UCHL3: variants seen among roughly 807,000 people sequenced by gnomAD.
UCHL3 encodes ubiquitin C-terminal hydrolase L3.
UCHL3 carries 22 observed loss-of-function variants against 35.8 expected under a neutral mutation model. The observed-to-expected ratio is 0.61, with a 90% CI of 0.44 to 0.88. UCHL3 has a LOEUF of 0.88. UCHL3 is among the 40% of genes least tolerant of loss of function. The pLI is 0.00. For missense variants in UCHL3, 229 were observed against 276.9 expected (o/e 0.83, Z 1.23); for synonymous variants, 90 against 92.8 (o/e 0.97, Z 0.17).
At chr13:75,592,489 A>G (rs2032538557) in intron 6 of UCHL3, among the ~76,000 whole-genome samples, 2 of 49,290 alleles carry the variant, frequency 4.1e-5, no homozygotes, top group Non-Finnish European at 1.1e-4. Context: ...GATCCCATCT[A>G]TAGCCTTTTT....
intron 7 of UCHL3, among the ~76,000 whole-genome samples, chr13:75,599,920 G>A (rs2032736727): frequency 6.6e-6 from 1 of 152,222 alleles, no homozygotes; most frequent in South Asian, 2.1e-4. Flanking sequence ...AAAACAATAA[G>A]CCAAGTTGTG....
In UCHL3 at chr13:75,583,672, G is replaced by A. The variant is rs578245935; in HGVS notation, c.475-11243G>A. 1.2e-4 allele frequency among the ~76,000 whole-genome samples: 19 copies of A among 152,206 alleles called. No homozygotes were observed. The East Asian group carries it at 1.9e-3, about 15-fold the overall frequency. On this transcript the variant is annotated intron_variant, in intron 6 of 8. Transcript: ENST00000377595. ...CTTGTGTGCACATTTTCACTAAAGC[G>A]TAATTGTAGAAAACCAGAAACAAAC...
chr13:75,603,364 A>G (rs184858414), intron 7 of UCHL3, among the ~76,000 whole-genome samples: 5 of 152,284 alleles, frequency 3.3e-5, no homozygotes, highest in African/African-American at 1.2e-4. Flanking sequence ...GTGCTGTTGC[A>G]TGTGCCTGCA....
intron 6 of UCHL3, 66 bp from the exon 7 acceptor site, chr13:75,594,849 A>C: frequency 8.9e-7 from 1 of 1,118,386 alleles, no homozygotes; most frequent in Non-Finnish European, 1.3e-6. Context: ...GTATGTGTTT[A>C]TGTATACATG....
At chr13:75,559,919 C>T (rs2031435807) in intron 2 of UCHL3, among the ~76,000 whole-genome samples, 1 of 151,896 alleles carries the variant, frequency 6.6e-6, no homozygotes, top group Admixed American at 6.6e-5. Flanking sequence ...CTCATTTTTT[C>T]TCTATGTGAT....
intron 6 of UCHL3, among the ~76,000 whole-genome samples, chr13:75,580,427 CAT>C (rs1180553644): frequency 7.2e-5 from 11 of 152,198 alleles, no homozygotes; most frequent in East Asian, 5.8e-4. Context: ...TGCGCACACA[CAT>C]GTCCTTACAC....
intron 2 of UCHL3, among the ~76,000 whole-genome samples, chr13:75,550,656 T>C (rs2031060601): frequency 1.3e-5 from 2 of 151,568 alleles, no homozygotes. Flanking sequence ...TCCCAGCCAC[T>C]CAGAAGAGTA....
chr13:75,599,798 T>C (rs2032732644), intron 7 of UCHL3, among the ~76,000 whole-genome samples: 1 of 152,202 alleles, frequency 6.6e-6, no homozygotes, highest in African/African-American at 2.4e-5. Flanking sequence ...CAAAGGCCTG[T>C]AAGCATTCAA....
chr13:75,591,217 C>T (rs1044449596), intron 6 of UCHL3, among the ~76,000 whole-genome samples: 2 of 152,134 alleles, frequency 1.3e-5, no homozygotes, highest in Non-Finnish European at 2.9e-5. Flanking sequence ...GGTATCTTTC[C>T]TTAAATATTT....
intron 3 of UCHL3, among the ~76,000 whole-genome samples, chr13:75,561,889 A>G (rs929918367): frequency 2.0e-5 from 3 of 151,534 alleles, no homozygotes; most frequent in African/African-American, 7.3e-5. Context: ...ACGTATACAT[A>G]TATACACACA....
intron 7 of UCHL3, among the ~76,000 whole-genome samples, chr13:75,598,407 C>T (rs188936437): frequency 6.6e-6 from 1 of 152,204 alleles, no homozygotes; most frequent in East Asian, 1.9e-4. Flanking sequence ...ATCCACAGAC[C>T]CCATTACAGT....
At chr13:75,582,193 ATG>A (rs1034550820) in intron 6 of UCHL3, among the ~76,000 whole-genome samples, 3 of 151,060 alleles carry the variant, frequency 2.0e-5, no homozygotes, top group East Asian at 3.9e-4. Context: ...GTGTAAGTGA[ATG>A]TGTGTGTGTG....
chr13:75,591,386 C>T (rs1001165765), intron 6 of UCHL3, among the ~76,000 whole-genome samples: 8 of 152,116 alleles, frequency 5.3e-5, no homozygotes, highest in Non-Finnish European at 1.2e-4. Flanking sequence ...TCTACTGTGC[C>T]ATATGCCATT....
intron 6 of UCHL3, among the ~76,000 whole-genome samples, chr13:75,574,837 G>T (rs1242502947): frequency 6.6e-6 from 1 of 152,148 alleles, no homozygotes; most frequent in African/African-American, 2.4e-5. Context: ...TGAGTTTAAG[G>T]TGAGTTTTTT....
intron 6 of UCHL3, among the ~76,000 whole-genome samples, chr13:75,594,623 G>T (rs141987941): frequency 6.6e-6 from 1 of 152,080 alleles, no homozygotes; most frequent in African/African-American, 2.4e-5. Context: ...TGTATACCAG[G>T]CATTGTGCTA....
Position 75,577,922 on chromosome 13 carries a change from A to G in UCHL3, c.474+8415A>G, listed in dbSNP as rs371555657. 2.0e-5 allele frequency among the ~76,000 whole-genome samples: 3 copies of G among 152,152 alleles called. No individual in the cohort carries two copies. In the South Asian group the frequency reaches 6.2e-4, roughly 32 times the overall value. On this transcript the variant is annotated intron_variant, in intron 6 of 8. Coordinates refer to ENST00000377595, the MANE Select transcript of UCHL3 (RefSeq NM_006002.5). ...AGATATGGGTAGAGATCACCTTATG[A>G]TTTATTGTTTAACTTTTTAAGTTTG...
intron 3 of UCHL3, among the ~76,000 whole-genome samples, chr13:75,562,512 G>A (rs9543976): frequency 0.72 from 109,329 of 151,858 alleles, 42,345 homozygotes; most frequent in Middle Eastern, 0.89. Context: ...CAGGACCCCA[G>A]TTGTAATGAA....
At chr13:75,590,011 C>T in intron 6 of UCHL3, 1 of 1,304,796 alleles carries the variant, frequency 7.7e-7, no homozygotes, top group African/African-American at 1.5e-5. Context: ...TGTCACCATG[C>T]ATCCCTGCCC....
chr13:75,552,352 T>C (rs544991817), intron 2 of UCHL3, among the ~76,000 whole-genome samples: 4 of 152,350 alleles, frequency 2.6e-5, no homozygotes, highest in Non-Finnish European at 4.4e-5. Flanking sequence ...CTCTCTTTTA[T>C]TTCCTCAACC....
Sources: gnomAD v4.1 joint callset for allele counts (sites outside exome capture counted in the v4.1 genomes callset) on GRCh38, gnomAD v4.1.1 for gene constraint, MANE v1.5 for transcripts, NCBI Gene and HGNC (gene_info 2026-07-23, HGNC 2026-07-21) for gene names.